CUL2: variants seen among roughly 807,000 people sequenced by gnomAD.
The protein encoded by CUL2 is cullin-2.
A neutral mutation model predicts 110.2 loss-of-function variants in CUL2; 22 were observed. The observed-to-expected ratio is 0.20, with a 90% CI of 0.14 to 0.28. CUL2 has a LOEUF of 0.28. Ranked by LOEUF, CUL2 falls within the 10% of genes least tolerant of loss-of-function variation. The probability of loss-of-function intolerance (pLI) is 1.00; values close to 1 mark genes in which losing one functional copy is unlikely to be tolerated. For missense variants in CUL2, 631 were observed against 905.5 expected (o/e 0.70, Z 3.89); for synonymous variants, 279 against 293.2 (o/e 0.95, Z 0.49).
intron 17 of CUL2, among the ~76,000 whole-genome samples, chr10:35,021,831 C>CGAGGTGAGGT (rs773566667): frequency 1.4e-4 from 9 of 66,380 alleles, no homozygotes; most frequent in African/African-American, 2.2e-4. Flanking sequence ...TGAGGTGAGG[C>CGAGGTGAGGT]GAGGTGAGGT....
chr10:35,116,529 T>A (rs1164200247), intron 1 of CUL2, among the ~76,000 whole-genome samples: 1 of 152,206 alleles, frequency 6.6e-6, no homozygotes, highest in Non-Finnish European at 1.5e-5. Flanking sequence ...TACCCAGCTG[T>A]GGCTTTTTTT....
chr10:35,057,715 T>C (rs892109060), intron 4 of CUL2, among the ~76,000 whole-genome samples: 1 of 152,112 alleles, frequency 6.6e-6, no homozygotes, highest in Non-Finnish European at 1.5e-5. Flanking sequence ...AGTGCCATTT[T>C]TCATTTTAAT....
intron 4 of CUL2, among the ~76,000 whole-genome samples, chr10:35,059,293 A>C (rs1320097953): frequency 6.6e-6 from 1 of 152,150 alleles, no homozygotes; most frequent in Non-Finnish European, 1.5e-5. Context: ...GTGAAGAAAG[A>C]GTCAACTGAT....
At chr10:35,071,158 T>C (rs746136553) in intron 2 of CUL2, 41 bp downstream of exon 2, 6 of 1,582,726 alleles carry the variant, frequency 3.8e-6, no homozygotes, top group Non-Finnish European at 5.2e-6. Context: ...AACAAATTTA[T>C]CAATTTTAGA....
At chr10:35,030,467 T>C (rs2085452628) in intron 14 of CUL2, among the ~76,000 whole-genome samples, 1 of 152,042 alleles carries the variant, frequency 6.6e-6, no homozygotes, top group East Asian at 1.9e-4. Context: ...ACAGCAGCCT[T>C]GATGTCCCAG....
At chr10:35,040,570 C>T (rs964858964) in intron 8 of CUL2, among the ~76,000 whole-genome samples, 1 of 152,108 alleles carries the variant, frequency 6.6e-6, no homozygotes, top group Non-Finnish European at 1.5e-5. Context: ...ACAGTAGGTT[C>T]CCACAGTCCT....
chr10:35,098,024 A>G (rs1289797826), intron 2 of CUL2: 1 of 152,200 alleles, frequency 6.6e-6, no homozygotes, highest in Non-Finnish European at 1.5e-5. Flanking sequence ...AAGGTCTTTA[A>G]TCGGAAAAGC....
chr10:35,071,113 G>A, intron 2 of CUL2, 86 bp downstream of exon 2: 1 of 1,322,614 alleles, frequency 7.6e-7, no homozygotes, highest in Non-Finnish European at 1.1e-6. Flanking sequence ...ACATGGGAAA[G>A]TTCTTCCATA....
rs560193853 is a variant in CUL2 at position 35,123,383 on chromosome 10, C to T, written c.-51+3222G>A. ...GTCCCTCCTAGTCACTGTAGATTTT[C>T]TAAGAGAAATCACATCACCAGAGCT... On this transcript the variant is annotated intron_variant, in intron 1 of 5. Coordinates refer to the CUL2 transcript ENST00000685421. Among the ~76,000 whole-genome samples the T allele has an allele frequency of 2.6e-5, 4 of 152,080 alleles. No individual in the cohort carries two copies. The South Asian group carries it at 8.3e-4, about 32-fold the overall frequency.
chr10:35,019,530 T>C (rs1445029769), intron 17 of CUL2, among the ~76,000 whole-genome samples: 1 of 152,220 alleles, frequency 6.6e-6, no homozygotes, highest in Non-Finnish European at 1.5e-5. Flanking sequence ...ATTACTGTGG[T>C]GTAAACACAA....
chr10:35,061,788 G>C (rs1163736978), intron 3 of CUL2, among the ~76,000 whole-genome samples: 1 of 75,006 alleles, frequency 1.3e-5, no homozygotes, highest in African/African-American at 4.7e-5. Context: ...TTTTTTTTTT[G>C]GTACAGGTAG....
intron 1 of CUL2, among the ~76,000 whole-genome samples, chr10:35,112,325 A>G (rs1226400155): frequency 6.6e-6 from 1 of 152,212 alleles, no homozygotes; most frequent in Non-Finnish European, 1.5e-5. Flanking sequence ...TGGTTTTCAG[A>G]TGGTAGATAA....
At chr10:35,063,129 G>T in intron 2 of CUL2, 67 bp from the exon 3 acceptor site, 1 of 922,242 alleles carries the variant, frequency 1.1e-6, no homozygotes, top group Non-Finnish European at 1.7e-6. Flanking sequence ...GATTTACCTT[G>T]TTTGGCATTA....
intron 1 of CUL2, among the ~76,000 whole-genome samples, chr10:35,081,827 C>G (rs577093821): frequency 6.6e-6 from 1 of 152,068 alleles, no homozygotes; most frequent in East Asian, 1.9e-4. Context: ...CAAGATGTGA[C>G]CGCACCACTA....
chr10:35,095,295 G>A (rs1307929747), upstream of CUL2, among the ~76,000 whole-genome samples: 1 of 148,590 alleles, frequency 6.7e-6, no homozygotes, highest in Non-Finnish European at 1.5e-5. Flanking sequence ...CTGCACTCCA[G>A]CCTGACAATA....
intron 5 of CUL2, among the ~76,000 whole-genome samples, chr10:35,053,065 T>G (rs1217199559): frequency 1.3e-5 from 2 of 152,166 alleles, no homozygotes; most frequent in East Asian, 3.8e-4. Context: ...GTGTGCCGTT[T>G]TATCGCAGTT....
intron 1 of CUL2, among the ~76,000 whole-genome samples, chr10:35,088,011 C>T (rs2135070264): frequency 6.6e-6 from 1 of 152,294 alleles, no homozygotes; most frequent in Non-Finnish European, 1.5e-5. Flanking sequence ...ATTTGTTCCT[C>T]CCTAAAATAG....
chr10:35,033,131 T>A, intron 11 of CUL2, 35 bp downstream of exon 11: 3 of 1,245,390 alleles, frequency 2.4e-6, no homozygotes, highest in Non-Finnish European at 3.4e-6. Context: ...TAGAGTTTTA[T>A]GTACATATAT....
chr10:35,060,967 C>T lies in CUL2; in HGVS notation c.224G>A (p.Arg75Lys). 6.2e-7 allele frequency: 1 copy of T among 1,609,598 alleles called. No individual in the cohort carries two copies. ...LENHVRHLHK[R>K]VLESEEQVLV... ...TACTTGTTCTTCTGACTCCAAAACT[C>T]TCTATATAAAGAGGAAAAATATTTT... Residue 75 changes from arginine to lysine, a missense_variant and splice_region_variant, in exon 4 of 21, where the codon AGA (arginine) becomes AAA (lysine). Physicochemically the swap from Arg to Lys is conservative, Grantham distance 26 (BLOSUM62 2). Transcript: ENST00000374749.
Sources: gnomAD v4.1 joint callset for allele counts (sites outside exome capture counted in the v4.1 genomes callset) on GRCh38, gnomAD v4.1.1 for gene constraint, MANE v1.5 for transcripts, NCBI Gene and HGNC (gene_info 2026-07-23, HGNC 2026-07-21) for gene names.